Variants in ARHGAP44 observed in about 807,000 individuals in gnomAD.
The protein encoded by ARHGAP44 is Rho GTPase activating protein 44.
Under a neutral mutation model 106.8 loss-of-function variants are expected in ARHGAP44, and 43 were observed. The observed-to-expected ratio is 0.40, with a 90% CI of 0.32 to 0.52. The LOEUF (loss-of-function observed/expected upper bound fraction) is 0.52, where lower values mean the gene tolerates loss of function less well. Ranked by LOEUF, ARHGAP44 falls within the 20% of genes least tolerant of loss-of-function variation. The pLI is 0.48. For synonymous variants in ARHGAP44, 439 were observed against 410.3 expected (o/e 1.07, Z -0.85); for missense variants, 866 against 1,050.5 (o/e 0.82, Z 2.43).
intron 1 of ARHGAP44, among the ~76,000 whole-genome samples, chr17:12,861,532 T>A (rs1597958237): frequency 6.6e-6 from 1 of 151,958 alleles, no homozygotes; most frequent in Non-Finnish European, 1.5e-5. Flanking sequence ...TTGTGGCCCC[T>A]TCCGCCGTCT....
At chr17:12,978,230 A>G (rs1200284778) in intron 18 of ARHGAP44, among the ~76,000 whole-genome samples, 1 of 152,084 alleles carries the variant, frequency 6.6e-6, no homozygotes, top group Non-Finnish European at 1.5e-5. Context: ...AGTGGCAGAG[A>G]TAGATGGAAG....
At chr17:12,837,448 A>G (rs558009215) in intron 1 of ARHGAP44, among the ~76,000 whole-genome samples, 11 of 152,294 alleles carry the variant, frequency 7.2e-5, no homozygotes, top group Admixed American at 6.5e-4. Flanking sequence ...TTTTTAACAT[A>G]TAGTTGATTG....
chr17:12,953,666 G>A (rs1189475335), intron 13 of ARHGAP44, among the ~76,000 whole-genome samples: 1 of 152,218 alleles, frequency 6.6e-6, no homozygotes, highest in African/African-American at 2.4e-5. Flanking sequence ...GTATGTTCAT[G>A]TAACGGATGC....
chr17:12,949,004 C>G lies in ARHGAP44; in HGVS notation c.862-136C>G. 1.2e-6 allele frequency: 1 copy of G among 854,348 alleles called. No individual in the cohort carries two copies. Among genetic ancestry groups the G allele is most frequent in the Non-Finnish European group, 1.8e-6 (1 of 540,810 alleles). 52.9% of individuals were successfully genotyped at this position (854,348 alleles called of 1,614,324 possible). On this transcript the variant is annotated intron_variant, in intron 10 of 20. Transcript: ENST00000379672. This position sits in a 1 kb window ranked among gnomAD's most constrained non-coding sequence, Gnocchi z 4.1. ...AGGGAGACATTGAGAAAGCAGGCAACTGGGGGATTGGGAGATGGTGTTGGG... is the reference window on the plus strand; with the variant it reads ...AGGGAGACATTGAGAAAGCAGGCAAGTGGGGGATTGGGAGATGGTGTTGGG...
At chr17:12,977,372 T>C (rs1450191235) in intron 18 of ARHGAP44, among the ~76,000 whole-genome samples, 1 of 152,158 alleles carries the variant, frequency 6.6e-6, no homozygotes, top group Non-Finnish European at 1.5e-5. Context: ...ATTCTCGTTC[T>C]GGCTCCCCCT....
At chr17:12,921,323 T>C (rs992370042) in intron 6 of ARHGAP44, among the ~76,000 whole-genome samples, 4 of 152,008 alleles carry the variant, frequency 2.6e-5, no homozygotes, top group Admixed American at 6.6e-5. Context: ...CACCTCAGCC[T>C]CCCAAAGTGC....
At chr17:12,973,153 C>T (rs1454196444) in intron 16 of ARHGAP44, 149 bp from the exon 17 acceptor site, 4 of 771,088 alleles carry the variant, frequency 5.2e-6, no homozygotes, top group Admixed American at 2.7e-5. Flanking sequence ...GAGAGACCAA[C>T]TAAATTGTAA....
intron 1 of ARHGAP44, among the ~76,000 whole-genome samples, chr17:12,884,859 A>G (rs1026346027): frequency 6.6e-6 from 1 of 152,094 alleles, no homozygotes; most frequent in African/African-American, 2.4e-5. Flanking sequence ...TGTAGCATGT[A>G]TGAGTGGTCC....
intron 3 of ARHGAP44, among the ~76,000 whole-genome samples, chr17:12,903,138 AGAGTGTGTGTGTGTGT>A (rs964679424): frequency 6.3e-5 from 6 of 94,752 alleles, no homozygotes; most frequent in East Asian, 4.0e-4. Flanking sequence ...AGAGAGAGAG[AGAGTGTGTGTGTGTGT>A]GTGTGTGTGT....
chr17:12,938,697 A>G (rs146058063), intron 7 of ARHGAP44, among the ~76,000 whole-genome samples: 73 of 152,276 alleles, frequency 4.8e-4, no homozygotes, highest in African/African-American at 1.6e-3. Context: ...ATTTTTCAAA[A>G]TGCATTAAAT....
chr17:12,846,138 T>G lies in ARHGAP44; in HGVS notation c.54-48802T>G, dbSNP rs899694563. On this transcript the variant is annotated intron_variant, in intron 1 of 20. Coordinates refer to ENST00000379672, the MANE Select transcript of ARHGAP44 (RefSeq NM_014859.6). ...CAGCTGGCAAATGGATAAATTTAAG[T>G]ATATTCGAGGGCTTCAGTAATGTAA... Among the ~76,000 whole-genome samples, 4 of 151,916 alleles carry G rather than the reference T, an allele frequency of 2.6e-5. No individual in the cohort carries two copies. The South Asian group carries it at 8.3e-4, about 32-fold the overall frequency.
intron 13 of ARHGAP44, 139 bp downstream of exon 13, chr17:12,952,720 C>CTT: frequency 2.7e-5 from 9 of 331,092 alleles, no homozygotes; most frequent in South Asian, 1.3e-4. Context: ...CATGCATGGT[C>CTT]TCTTTTTTTT....
rs540689146 is a variant in ARHGAP44, at chr17:12,888,653, A to G, written c.54-6287A>G. ...TTATATATTGTTGCTGATTTTTAAA[A>G]TTTAGTTCTATTAATTATTGAGAGA... On this transcript the variant is annotated intron_variant, in intron 1 of 20. Coordinates refer to ENST00000379672, the MANE Select transcript of ARHGAP44 (RefSeq NM_014859.6). Among the ~76,000 whole-genome samples, 288 of 152,312 alleles carry G rather than the reference A, an allele frequency of 1.9e-3. 1 individual carries two copies. Among genetic ancestry groups the G allele is most frequent in the African/African-American group, 4.4e-3 (185 of 41,576 alleles).
At chr17:12,856,909 G>C (rs749635845) in intron 1 of ARHGAP44, among the ~76,000 whole-genome samples, 5 of 152,044 alleles carry the variant, frequency 3.3e-5, no homozygotes, top group South Asian at 2.1e-4. Flanking sequence ...GTGTATCCCT[G>C]TCCTTTCCCA....
At chr17:12,859,487 C>T (rs928360475) in intron 1 of ARHGAP44, among the ~76,000 whole-genome samples, 1 of 152,224 alleles carries the variant, frequency 6.6e-6, no homozygotes, top group Non-Finnish European at 1.5e-5. Flanking sequence ...GAAAAGCCAT[C>T]TTCTCATCAT....
At chr17:12,941,324 C>T (rs1003698636) in intron 8 of ARHGAP44, among the ~76,000 whole-genome samples, 200 bp downstream of exon 8, 7 of 151,934 alleles carry the variant, frequency 4.6e-5, no homozygotes, top group Admixed American at 6.6e-5. Flanking sequence ...TCCCATCCCT[C>T]GGGATTATTG....
At chr17:12,805,186 C>T (rs1326730227) in intron 1 of ARHGAP44, among the ~76,000 whole-genome samples, 1 of 152,128 alleles carries the variant, frequency 6.6e-6, no homozygotes, top group African/African-American at 2.4e-5. Context: ...GCTTCCACAG[C>T]ACTCTGCTCA....
At chr17:12,891,284 A>C (rs1337660426) in intron 1 of ARHGAP44, among the ~76,000 whole-genome samples, 1 of 152,208 alleles carries the variant, frequency 6.6e-6, no homozygotes, top group Non-Finnish European at 1.5e-5. Context: ...CTCTGGTACC[A>C]ATTGTCTTTG....
At chr17:12,968,772 C>CTT (rs533743635) in intron 16 of ARHGAP44, among the ~76,000 whole-genome samples, 10 of 115,614 alleles carry the variant, frequency 8.6e-5, no homozygotes, top group East Asian at 2.1e-4. Flanking sequence ...TATTTCTTTT[C>CTT]TTTTTTTTTT....
Sources: gnomAD v4.1 joint callset for allele counts (sites outside exome capture counted in the v4.1 genomes callset) on GRCh38, gnomAD v4.1.1 for gene constraint, Gnocchi (gnomAD v3.1) non-coding constraint, MANE v1.5 for transcripts, NCBI Gene and HGNC (gene_info 2026-07-23, HGNC 2026-07-21) for gene names.